SLC45A1: variants seen among roughly 807,000 people sequenced by gnomAD.
The protein encoded by SLC45A1 is solute carrier family 45 member 1.
A neutral mutation model predicts 57.6 loss-of-function variants in SLC45A1; 28 were observed. The ratio of observed to expected loss-of-function variants is 0.49; its 90% CI spans 0.36 to 0.67. The LOEUF (loss-of-function observed/expected upper bound fraction) is 0.67, where lower values mean the gene tolerates loss of function less well. Among genes scored for constraint, SLC45A1 ranks in the 30% least tolerant of loss-of-function variants. The pLI is 0.00. For missense variants in SLC45A1, 814 were observed against 1,041.5 expected (o/e 0.78, Z 3.01); for synonymous variants, 459 against 471.5 (o/e 0.97, Z 0.34).
intron 1 of SLC45A1, among the ~76,000 whole-genome samples, chr1:8,323,221 G>C (rs1392307413): frequency 6.6e-6 from 1 of 152,078 alleles, no homozygotes; most frequent in African/African-American, 2.4e-5. Flanking sequence ...GGCTGGGCAC[G>C]GTGGCTCACG....
rs1640239892 is a variant in SLC45A1, at chr1:8,327,541, G to A, written c.715+1499G>A. On this transcript the variant is annotated intron_variant, in intron 4 of 8. Coordinates refer to ENST00000471889, the MANE Select transcript of SLC45A1 (RefSeq NM_001080397.3). The surrounding 1 kb of genome is among the most constrained non-coding windows in gnomAD (Gnocchi z 4.3). The stretch of plus-strand genomic sequence containing the variant: ...AAATCAATACTGGTTGGGTGCAGTG[G>A]CTCAGGCCTACTCTCAACACTTCGG... 6.6e-6 allele frequency among the ~76,000 whole-genome samples: 1 copy of A among 152,176 alleles called. No homozygotes were observed. Among genetic ancestry groups the A allele is most frequent in the African/African-American group, 2.4e-5 (1 of 41,432 alleles).
chr1:8,319,140 C>T (rs1445926056), intron 1 of SLC45A1, among the ~76,000 whole-genome samples: 3 of 152,144 alleles, frequency 2.0e-5, no homozygotes, highest in Non-Finnish European at 4.4e-5. Context: ...ATTAGCCGGG[C>T]GTGGTGGCAC....
chr1:8,326,254 T>C lies in SLC45A1; in HGVS notation c.715+212T>C, dbSNP rs1441560809. On this transcript the variant is annotated intron_variant, in intron 4 of 8. Transcript: ENST00000471889. The surrounding 1 kb of genome is among the most constrained non-coding windows in gnomAD (Gnocchi z 5.5). ...TTGACACATAAACAACAATTATAGG[T>C]CTATAAATTCAAATGTTTATATTCG... 2.6e-5 allele frequency among the ~76,000 whole-genome samples: 4 copies of C among 152,220 alleles called. No homozygotes were observed. Among genetic ancestry groups the C allele is most frequent in the African/African-American group, 9.6e-5 (4 of 41,452 alleles).
Position 8,343,808 on chromosome 1 carries a change from G to A in SLC45A1, c.2042G>A (p.Ser681Asn). 6.2e-7 allele frequency: 1 copy of A among 1,614,148 alleles called. No individual in the cohort carries two copies. The highest frequency in any genetic ancestry group is 8.5e-7 in the Non-Finnish European group (1 of 1,180,026). Reference protein sequence around the residue: ...RGMGVDISLLSCQYFLAQILV... With the variant: ...RGMGVDISLLNCQYFLAQILV... ...ATGGGCGTGGACATCTCTCTGCTGA[G>A]CTGCCAGTACTTCCTGGCTCAGATT... Residue 681 changes from serine (S) to asparagine (N), a missense_variant, in exon 9 of 9, where the codon AGC (serine) becomes AAC (asparagine). Transcript: ENST00000471889. This position sits in a 1 kb window ranked among gnomAD's most constrained non-coding sequence, Gnocchi z 7.7.
chr1:8,334,640 C>T (rs1360710847), intron 5 of SLC45A1, among the ~76,000 whole-genome samples: 5 of 152,032 alleles, frequency 3.3e-5, no homozygotes, highest in Admixed American at 3.3e-4. Context: ...GAGGTCGAGG[C>T]TGCAGTGAGC....
intron 6 of SLC45A1, among the ~76,000 whole-genome samples, chr1:8,336,955 G>A (rs1640632115): frequency 6.6e-6 from 1 of 152,146 alleles, no homozygotes; most frequent in Admixed American, 6.5e-5. Flanking sequence ...CAGGTAGCTG[G>A]AGCACCTCCA....
Position 8,335,755 on chromosome 1 carries a change from G to T in SLC45A1, c.1597+165G>T, listed in dbSNP as rs1251418271. 6.6e-6 allele frequency among the ~76,000 whole-genome samples: 1 copy of T among 152,134 alleles called. No homozygotes were observed. Among genetic ancestry groups the T allele is most frequent in the Non-Finnish European group, 1.5e-5 (1 of 68,008 alleles). ...GGCCTGGGGTGTGGTGGCTGCCCTG[G>T]AGGGCTTTTCTCCAGGGTGCCTGCC... On this transcript the variant is annotated intron_variant, in intron 6 of 8. Transcript: ENST00000471889. This position sits in a 1 kb window ranked among gnomAD's most constrained non-coding sequence, Gnocchi z 4.1.
rs759297537 is a variant in SLC45A1 at position 8,339,718 on chromosome 1, TTGCTTCGGGTC to T, written c.1980+27_1980+37del. On this transcript the variant is annotated intron_variant, in intron 8 of 8. Coordinates refer to ENST00000471889, the MANE Select transcript of SLC45A1 (RefSeq NM_001080397.3). ...AAGAAGGTAAGTGCTCTCCCTTGTC[TTGCTTCGGGTC>T]TGCTTCTTGGAGAAACCCCACCTGA... The T allele has an allele frequency of 5.6e-6, 9 of 1,608,204 alleles. No homozygotes were observed. The highest frequency in any genetic ancestry group is 2.2e-5 in the East Asian group (1 of 44,850).
intron 5 of SLC45A1, among the ~76,000 whole-genome samples, chr1:8,332,872 G>C (rs1243443395): frequency 2.0e-5 from 3 of 152,206 alleles, no homozygotes; most frequent in African/African-American, 7.2e-5. Context: ...CATAAGAGTT[G>C]CTGGCCTGCA....
At chr1:8,323,755 C>T (rs1640105600) in intron 1 of SLC45A1, among the ~76,000 whole-genome samples, 1 of 152,302 alleles carries the variant, frequency 6.6e-6, no homozygotes, top group East Asian at 1.9e-4. Context: ...CCTGGCCTAC[C>T]GCGAAGGAGG....
intron 5 of SLC45A1, among the ~76,000 whole-genome samples, chr1:8,333,895 G>A (rs1640507634): frequency 6.6e-6 from 1 of 152,242 alleles, no homozygotes. Flanking sequence ...GTTCCTGGTG[G>A]CACCAAGGAC....
At chr1:8,323,697 G>A (rs1368480952) in intron 1 of SLC45A1, among the ~76,000 whole-genome samples, 1 of 152,206 alleles carries the variant, frequency 6.6e-6, no homozygotes, top group Non-Finnish European at 1.5e-5. Flanking sequence ...GGGTGCTGAA[G>A]GAAAAGGGTT....
In SLC45A1 at chr1:8,325,946, G is replaced by A. The variant is rs143356185; in HGVS notation, c.619G>A (p.Ala207Thr). ...CGGTGTGGTGCTGATGGACTTTAGC[G>A]CCGACTCGGCGGACAACCCCAGCCA... The part of the protein sequence containing the change: ...VCGVVLMDFS[A>T]DSADNPSHAY... The change falls in exon 4 of 9, where the codon GCC (alanine) becomes ACC (threonine). Residue 207 changes from alanine to threonine, a missense_variant. Transcript: ENST00000471889. This position sits in a 1 kb window ranked among gnomAD's most constrained non-coding sequence, Gnocchi z 6.3. The A allele has an allele frequency of 5.4e-5, 87 of 1,613,406 alleles. No individual in the cohort carries two copies. In the Admixed American group the frequency reaches 1.2e-3, roughly 23 times the overall value.
At chr1:8,342,301 A>T (rs1429495312) in intron 8 of SLC45A1, among the ~76,000 whole-genome samples, 1 of 152,198 alleles carries the variant, frequency 6.6e-6, no homozygotes, top group Non-Finnish European at 1.5e-5. Context: ...AATATGCACC[A>T]TCTAACAGTG....
chr1:8,339,372 A>G (rs950946168), intron 7 of SLC45A1, 121 bp from the exon 8 acceptor site: 1 of 902,044 alleles, frequency 1.1e-6, no homozygotes, highest in Non-Finnish European at 1.7e-6. Flanking sequence ...GGGGCAAGTG[A>G]CCTGCCAAGC....
chr1:8,338,138 G>T (rs1278105090), intron 7 of SLC45A1, 146 bp downstream of exon 7: 3 of 765,666 alleles, frequency 3.9e-6, no homozygotes, highest in Non-Finnish European at 4.1e-6. Context: ...CGGCTGCAGG[G>T]CGCTGGGCCT....
At chr1:8,331,011 G>A (rs1569949761) in intron 5 of SLC45A1, 75 bp downstream of exon 5, 1 of 1,485,786 alleles carries the variant, frequency 6.7e-7, no homozygotes, top group East Asian at 2.3e-5. Flanking sequence ...ACATGACAAA[G>A]AGGGAGAGTC....
At chr1:8,341,603 A>AT (rs1200558931) in intron 8 of SLC45A1, among the ~76,000 whole-genome samples, 1 of 150,780 alleles carries the variant, frequency 6.6e-6, no homozygotes, top group Non-Finnish European at 1.5e-5. Flanking sequence ...GCCACCTCAT[A>AT]TTGGAGTCTG....
chr1:8,341,161 C>T (rs1364324264), intron 8 of SLC45A1, among the ~76,000 whole-genome samples: 1 of 148,566 alleles, frequency 6.7e-6, no homozygotes, highest in East Asian at 2.0e-4. Context: ...GATGGTGCCA[C>T]CGCACTCCAG....
Sources: allele counts gnomAD v4.1 joint callset (sites outside exome capture counted in the v4.1 genomes callset), GRCh38; gene constraint gnomAD v4.1.1; non-coding constraint Gnocchi (gnomAD v3.1); transcripts MANE v1.5; gene names NCBI Gene and HGNC (gene_info 2026-07-23, HGNC 2026-07-21).